Variants in ASH1L observed in about 807,000 individuals in gnomAD.
ASH1L encodes ASH1 like histone lysine methyltransferase, also known as histone-lysine N-methyltransferase ASH1L.
Under a neutral mutation model 269.0 loss-of-function variants are expected in ASH1L, and 23 were observed. The ratio of observed to expected loss-of-function variants is 0.09; its 90% CI spans 0.06 to 0.12. The LOEUF (loss-of-function observed/expected upper bound fraction) is 0.12. Ranked by LOEUF, ASH1L falls within the 10% of genes least tolerant of loss-of-function variation. ASH1L has a pLI of 1.00. For synonymous variants in ASH1L, 1,187 were observed against 1,253.5 expected (o/e 0.95, Z 1.12); for missense variants, 2,912 against 3,567.8 (o/e 0.82, Z 4.68).
intron 4 of ASH1L, among the ~76,000 whole-genome samples, chr1:155,440,243 G>A (rs922349204): frequency 6.6e-6 from 1 of 152,024 alleles, no homozygotes; most frequent in African/African-American, 2.4e-5. Context: ...TGGAGTTTGA[G>A]GCTGCAGTGA....
At chr1:155,467,492 A>G (rs564329956) in intron 3 of ASH1L, among the ~76,000 whole-genome samples, 1 of 152,328 alleles carries the variant, frequency 6.6e-6, no homozygotes, top group South Asian at 2.1e-4. Context: ...ATAATTTATA[A>G]AAGTGATTAT....
chr1:155,359,256 G>A (rs920268350), intron 13 of ASH1L, among the ~76,000 whole-genome samples: 2 of 152,126 alleles, frequency 1.3e-5, no homozygotes, highest in Non-Finnish European at 2.9e-5. Context: ...ATGCACTACT[G>A]TGCCCAGGCT....
At chr1:155,529,832 T>C (rs186941703) in intron 1 of ASH1L, among the ~76,000 whole-genome samples, 58 of 152,176 alleles carry the variant, frequency 3.8e-4, no homozygotes, top group Admixed American at 3.3e-3. Flanking sequence ...TCTACCTCTC[T>C]TCCATCGCCT....
chr1:155,414,401 C>T (rs1019808355), intron 6 of ASH1L, among the ~76,000 whole-genome samples: 5 of 152,068 alleles, frequency 3.3e-5, no homozygotes, highest in African/African-American at 1.2e-4. Context: ...CCTCCGCCTC[C>T]CAGGTTCAAG....
chr1:155,444,755 T>C (rs1662871168), intron 4 of ASH1L, among the ~76,000 whole-genome samples: 1 of 151,274 alleles, frequency 6.6e-6, no homozygotes, highest in Non-Finnish European at 1.5e-5. Flanking sequence ...GAGCTGAGAT[T>C]ACAGGTGCCT....
chr1:155,386,491 C>T (rs1657440404), intron 7 of ASH1L, among the ~76,000 whole-genome samples: 1 of 151,936 alleles, frequency 6.6e-6, no homozygotes, highest in Non-Finnish European at 1.5e-5. Flanking sequence ...GGAGTTCAAG[C>T]AATTCTGTCT....
At chr1:155,390,302 G>A (rs1469525535) in intron 7 of ASH1L, among the ~76,000 whole-genome samples, 1 of 152,152 alleles carries the variant, frequency 6.6e-6, no homozygotes, top group Non-Finnish European at 1.5e-5. Context: ...GAGTCAAGAT[G>A]AACATCTGAA....
Position 155,479,037 on chromosome 1 carries a change from T to C in ASH1L, c.3833A>G (p.Gln1278Arg). 1 of 1,613,980 alleles carries C rather than the reference T, an allele frequency of 6.2e-7. No individual in the cohort carries two copies. The highest frequency in any genetic ancestry group is 8.5e-7 in the Non-Finnish European group (1 of 1,180,030). Residue 1278 changes from glutamine to arginine, a missense_variant, in exon 3 of 28, where the codon CAG (glutamine) becomes CGG (arginine). This residue lies in a region of ASH1L where 789 missense variants were observed against 897.6 expected (regional missense o/e 0.88). Transcript: ENST00000392403. Reference sequence around the variant, plus strand: ...GTCTGGATCCTGTCTATTTCGAAGCTGGGGATATTTCTTTTTCCGTTTTCG... The same window carrying C: ...GTCTGGATCCTGTCTATTTCGAAGCCGGGGATATTTCTTTTTCCGTTTTCG... ...QKRKRKKKYP[Q>R]LRNRQDPDFI...
At chr1:155,346,279 C>A (rs1653310819) in intron 21 of ASH1L, 104 bp downstream of exon 21, 1 of 1,553,356 alleles carries the variant, frequency 6.4e-7, no homozygotes, top group Non-Finnish European at 8.8e-7. Context: ...AGAGGCTGAA[C>A]AACCTATTAA....
At chr1:155,368,462 T>C (rs1253082354) in intron 12 of ASH1L, among the ~76,000 whole-genome samples, 1 of 151,882 alleles carries the variant, frequency 6.6e-6, no homozygotes, top group Non-Finnish European at 1.5e-5. Context: ...TTTTCTTTCT[T>C]CTTTTTTTTT....
At chr1:155,391,730 A>C (rs1657944892) in intron 7 of ASH1L, among the ~76,000 whole-genome samples, 1 of 152,068 alleles carries the variant, frequency 6.6e-6, no homozygotes, top group African/African-American at 2.4e-5. Context: ...TGAGGTGGGC[A>C]AACTGCTTGA....
intron 5 of ASH1L, among the ~76,000 whole-genome samples, chr1:155,428,460 T>C (rs905357087): frequency 3.3e-5 from 5 of 150,614 alleles, no homozygotes; most frequent in African/African-American, 1.2e-4. Context: ...AAAATATATA[T>C]ATATATGTTG....
intron 5 of ASH1L, among the ~76,000 whole-genome samples, chr1:155,422,330 TGGCA>T (rs1660762070): frequency 6.9e-6 from 1 of 144,630 alleles, no homozygotes; most frequent in Admixed American, 6.9e-5. Flanking sequence ...TTTTTTGAGA[TGGCA>T]TCTTGCTCTT....
intron 5 of ASH1L, among the ~76,000 whole-genome samples, chr1:155,428,305 G>T (rs7532714): frequency 0.047 from 7,121 of 151,240 alleles, 576 homozygotes; most frequent in African/African-American, 0.17. Context: ...GCCGGGTGTG[G>T]TGGTGGGCGC....
intron 6 of ASH1L, among the ~76,000 whole-genome samples, chr1:155,405,109 A>G: frequency 6.6e-6 from 1 of 152,026 alleles, no homozygotes; most frequent in African/African-American, 2.4e-5. Flanking sequence ...CAATAGCAGT[A>G]AATTAAAAAA....
chr1:155,422,528 G>C (rs1267288446), intron 5 of ASH1L, among the ~76,000 whole-genome samples: 1 of 151,744 alleles, frequency 6.6e-6, no homozygotes, highest in Non-Finnish European at 1.5e-5. Context: ...GCATGCCTGG[G>C]ATTACAGGCA....
At position 155,438,716 on chromosome 1, in the gene ASH1L, G is replaced by A. The variant is rs368897622; in HGVS notation, c.5439C>T (p.Tyr1813=). The A allele has an allele frequency of 2.9e-4, 467 of 1,613,962 alleles. No individual in the cohort carries two copies. The highest frequency in any genetic ancestry group is 1.5e-3 in the South Asian group (137 of 91,076). The change falls in exon 5 of 28, where the codon TAC becomes TAT. Residue 1813 remains tyrosine, a synonymous_variant. Coordinates refer to ENST00000392403, the MANE Select transcript of ASH1L (RefSeq NM_018489.3). ...MQRQARKMCN[Y]DKILATKKNL... is the part of the protein sequence containing the mutation. ...TTTTCTTTGTGGCCAAGATTTTGTC[G>A]TAATTGCACATTTTCCGAGCTTGGC...
chr1:155,408,108 G>GT (rs1659445493), intron 6 of ASH1L, among the ~76,000 whole-genome samples: 1 of 152,166 alleles, frequency 6.6e-6, no homozygotes, highest in Admixed American at 6.5e-5. Flanking sequence ...CCAACCATGA[G>GT]TTACACAACT....
At chr1:155,342,794 T>C (rs1214004781) in intron 24 of ASH1L, among the ~76,000 whole-genome samples, 1 of 152,140 alleles carries the variant, frequency 6.6e-6, no homozygotes, top group African/African-American at 2.4e-5. Flanking sequence ...GAGCTGGAAT[T>C]TGAAATTAGT....
Sources: gnomAD v4.1 joint callset for allele counts (sites outside exome capture counted in the v4.1 genomes callset) on GRCh38, gnomAD v4.1.1 for gene constraint, gnomAD v4.1.1 regional missense constraint, MANE v1.5 for transcripts, NCBI Gene and HGNC (gene_info 2026-07-23, HGNC 2026-07-21) for gene names.